Variants in RPS6KA5 observed in about 807,000 individuals in gnomAD.
RPS6KA5 encodes the protein ribosomal protein S6 kinase alpha-5.
RPS6KA5 carries 27 observed loss-of-function variants against 85.5 expected under a neutral mutation model. The ratio of observed to expected loss-of-function variants is 0.32; its 90% confidence interval spans 0.23 to 0.44. RPS6KA5 has a LOEUF of 0.44. Ranked by LOEUF, RPS6KA5 falls within the 20% of genes least tolerant of loss-of-function variation. The probability of loss-of-function intolerance (pLI) is 1.00; values close to 1 mark genes in which losing one functional copy is unlikely to be tolerated. For missense variants in RPS6KA5, 811 were observed against 980.9 expected, an observed-to-expected ratio of 0.83 and a Z score of 2.31; for synonymous variants, 334 against 348.2, an observed-to-expected ratio of 0.96 and a Z score of 0.46.
chr14:91,056,048 GTTAA>G (rs2043303019), intron 1 of RPS6KA5, among the ~76,000 whole-genome samples: 1 of 152,118 alleles, frequency 6.6e-6, no homozygotes, highest in African/African-American at 2.4e-5. Context: ...AGCTTCCTGT[GTTAA>G]TTCACTTAGG....
chr14:90,960,354 C>T (rs868236655), intron 3 of RPS6KA5, among the ~76,000 whole-genome samples: 1 of 152,108 alleles, frequency 6.6e-6, no homozygotes, highest in Non-Finnish European at 1.5e-5. Context: ...AAAAGACTAT[C>T]AGGGATATCG....
chr14:91,042,784 A>G lies in RPS6KA5; in HGVS notation c.103+17548T>C, dbSNP rs565373831. Among the ~76,000 whole-genome samples, 504 of 151,264 alleles carry G rather than the reference A, an allele frequency of 3.3e-3. 3 individuals are homozygous for G. Among genetic ancestry groups the G allele is most frequent in the African/African-American group, 0.012 (480 of 41,114 alleles). On this transcript the variant is annotated intron_variant, in intron 1 of 16. Transcript: ENST00000614987. ...ACATCCCATCCCCCTTCTCAGGACC[A>G]TGACACCATCGTCTATCCCATCTTG...
intron 14 of RPS6KA5, among the ~76,000 whole-genome samples, chr14:90,881,305 G>C (rs914372952): frequency 3.3e-5 from 5 of 151,228 alleles, no homozygotes; most frequent in African/African-American, 1.2e-4. Context: ...ACAAAAATTA[G>C]CTGGGTGTCA....
intron 1 of RPS6KA5, among the ~76,000 whole-genome samples, chr14:91,051,136 G>C (rs1004019285): frequency 3.3e-5 from 5 of 152,074 alleles, no homozygotes; most frequent in South Asian, 2.1e-4. Flanking sequence ...CTACTTGGGA[G>C]GCTGAGGTGG....
At chr14:90,962,205 CTTA>C (rs1472919944) in intron 3 of RPS6KA5, among the ~76,000 whole-genome samples, 4 of 152,110 alleles carry the variant, frequency 2.6e-5, no homozygotes, top group South Asian at 2.1e-4. Flanking sequence ...CATGAAACTT[CTTA>C]TTATTGTTAG....
chr14:91,037,847 G>A (rs992501005), intron 1 of RPS6KA5, among the ~76,000 whole-genome samples: 2 of 152,150 alleles, frequency 1.3e-5, no homozygotes, highest in African/African-American at 4.8e-5. Context: ...CTCCAGGCAA[G>A]ACCTGCAAGA....
At chr14:90,979,895 C>T (rs2039719790) in intron 2 of RPS6KA5, among the ~76,000 whole-genome samples, 1 of 152,186 alleles carries the variant, frequency 6.6e-6, no homozygotes. Flanking sequence ...GAGTGTGACT[C>T]CAGGGACCAC....
intron 1 of RPS6KA5, among the ~76,000 whole-genome samples, chr14:91,053,692 T>G (rs1271805222): frequency 6.6e-6 from 1 of 152,206 alleles, no homozygotes; most frequent in Non-Finnish European, 1.5e-5. Flanking sequence ...TGAAAGTAAT[T>G]GAAGACAACC....
Position 90,898,232 on chromosome 14 carries a change from T to C in RPS6KA5, c.1473+1097A>G, listed in dbSNP as rs75616935. 4.5e-3 allele frequency among the ~76,000 whole-genome samples: 686 copies of C among 152,328 alleles called. 11 individuals are homozygous for C. Among genetic ancestry groups the C allele is most frequent in the African/African-American group, 0.016 (655 of 41,566 alleles). On this transcript the variant is annotated intron_variant, in intron 12 of 16. Coordinates refer to ENST00000614987, the MANE Select transcript of RPS6KA5 (RefSeq NM_004755.4). ...TACTTAACTTCTATGAGTGTCCATTTTCTCACCTCATGGACCTATGGTAAG... is the reference window on the plus strand; with the variant it reads ...TACTTAACTTCTATGAGTGTCCATTCTCTCACCTCATGGACCTATGGTAAG...
In RPS6KA5 at chr14:90,890,524, T is replaced by C; in HGVS notation, c.1799A>G (p.Asp600Gly). 4 of 1,614,070 alleles carry C rather than the reference T, an allele frequency of 2.5e-6. No individual in the cohort carries two copies. The highest frequency in any genetic ancestry group is 3.4e-6 in the Non-Finnish European group (4 of 1,179,976). ...CAAGCTCCACAGGTCACAGGACTCA[T>C]CGTAGCCGTTCTGATTCAAGAGCTC... is the stretch of plus-strand genomic sequence containing the variant. ...APELLNQNGY[D>G]ESCDLWSLGV... Residue 600 changes from aspartate to glycine, a missense_variant, in exon 14 of 17, where the codon GAT (aspartate) becomes GGT (glycine). By Grantham distance (94) the Asp-to-Gly change is moderately conservative. Around this residue, in one of 3 missense-constraint regions of RPS6KA5, gnomAD observed 650 missense variants for 793.4 expected, o/e 0.82. Coordinates refer to ENST00000614987, the MANE Select transcript of RPS6KA5 (RefSeq NM_004755.4).
rs1390109915 is a variant in RPS6KA5, at chr14:90,849,439, A to G, written c.*22635T>C. The G allele has an allele frequency of 2.0e-5, 3 of 152,256 alleles. No homozygotes were observed. The highest frequency in any genetic ancestry group is 6.5e-5 in the Admixed American group (1 of 15,286). The allele number at this position is 152,256 out of a possible 1,614,324, so 9.4% of individuals were successfully genotyped here. A position where few individuals can be genotyped will look rare whatever the true frequency, so the allele number is the denominator to read the frequency against. The stretch of plus-strand genomic sequence containing the variant: ...GACAGGCTGCCTTGGGCTACTACAC[A>G]GCTGATATGAGTGGACAGCAAAGAG... On this transcript the variant is annotated 3_prime_UTR_variant, in exon 17 of 17. Transcript: ENST00000614987.
intron 12 of RPS6KA5, among the ~76,000 whole-genome samples, chr14:90,898,797 G>C (rs1170801237): frequency 1.3e-5 from 2 of 152,238 alleles, no homozygotes; most frequent in Non-Finnish European, 2.9e-5. Context: ...GAGCAGAAGA[G>C]GGGGCAGCAT....
At chr14:90,906,338 TGAC>T in intron 7 of RPS6KA5, 39 bp from the exon 8 acceptor site, 1 of 1,419,578 alleles carries the variant, frequency 7.0e-7, no homozygotes, top group Non-Finnish European at 9.3e-7. Flanking sequence ...ACAAACAGGA[TGAC>T]AAAAAAAAAA....
At chr14:90,949,248 T>C (rs2038041639) in intron 3 of RPS6KA5, among the ~76,000 whole-genome samples, 1 of 152,236 alleles carries the variant, frequency 6.6e-6, no homozygotes, top group African/African-American at 2.4e-5. Context: ...AGCACGCATA[T>C]ATCAAGTGAC....
At position 91,020,534 on chromosome 14, in the gene RPS6KA5, C is replaced by CTGTGTGTGTG. The variant is rs34407471; in HGVS notation, c.104-19385_104-19376dup. Among the ~76,000 whole-genome samples the CTGTGTGTGTG allele has an allele frequency of 1.4e-3, 156 of 110,048 alleles. 4 individuals are homozygous for CTGTGTGTGTG. The highest frequency in any genetic ancestry group is 4.4e-3 in the African/African-American group (115 of 26,036). The allele number at this position is 110,048 out of a possible 152,430, so 72.2% of individuals were successfully genotyped here. ...ATCTCCTATGGATGCTAAGGAATGACTGTGTGTGTGTGTGTGTGTGTGTGT... is the reference window on the plus strand; with the variant it reads ...ATCTCCTATGGATGCTAAGGAATGACTGTGTGTGTGTGTGTGTGTGTGTGTGTGTGTGTGT... On this transcript the variant is annotated intron_variant, in intron 1 of 16. Coordinates refer to ENST00000614987, the MANE Select transcript of RPS6KA5 (RefSeq NM_004755.4).
At chr14:90,877,702 A>AT (rs991957257) in intron 14 of RPS6KA5, among the ~76,000 whole-genome samples, 8 of 151,624 alleles carry the variant, frequency 5.3e-5, no homozygotes, top group Admixed American at 2.6e-4. Flanking sequence ...TTAGAATGCC[A>AT]TTTTTTTTCT....
chr14:90,875,473 G>A, intron 14 of RPS6KA5, 113 bp from the exon 15 acceptor site: 1 of 943,520 alleles, frequency 1.1e-6, no homozygotes, highest in Non-Finnish European at 1.6e-6. Context: ...CAACTAGCAT[G>A]ATTGAGTTTA....
chr14:90,912,630 T>C (rs80109430), intron 7 of RPS6KA5, among the ~76,000 whole-genome samples: 2,738 of 152,330 alleles, frequency 0.018, 69 homozygotes, highest in African/African-American at 0.063. Flanking sequence ...CACTCTATAG[T>C]AGTCTGTCTT....
At chr14:91,015,883 G>C (rs2041468610) in intron 1 of RPS6KA5, among the ~76,000 whole-genome samples, 1 of 152,184 alleles carries the variant, frequency 6.6e-6, no homozygotes, top group Non-Finnish European at 1.5e-5. Flanking sequence ...GGTGACCAAA[G>C]AAACTAGATT....
Sources: allele counts gnomAD v4.1 joint callset (sites outside exome capture counted in the v4.1 genomes callset), GRCh38; gene constraint gnomAD v4.1.1; regional missense constraint gnomAD v4.1.1; transcripts MANE v1.5; gene names NCBI Gene and HGNC (gene_info 2026-07-23, HGNC 2026-07-21).